Variants in NLRP2 observed in about 807,000 individuals in gnomAD.
The protein encoded by NLRP2 is NLR family pyrin domain containing 2, also known as NACHT, LRR and PYD domains-containing protein 2.
A neutral mutation model predicts 97.2 loss-of-function variants in NLRP2; 107 were observed. The observed-to-expected ratio is 1.10, with a 90% CI of 0.94 to 1.29. The LOEUF is 1.29. Ranked by LOEUF, NLRP2 falls within the 50% of genes most tolerant of loss-of-function variation. NLRP2 has a pLI of 0.00. For synonymous variants in NLRP2, 663 were observed against 551.5 expected (o/e 1.20, Z -2.83); for missense variants, 1,495 against 1,330.3 (o/e 1.12, Z -1.93).
chr19:54,985,677 C>CAAAAAAAAAAAAAAA (rs113852885), intron 7 of NLRP2, among the ~76,000 whole-genome samples: 8 of 67,952 alleles, frequency 1.2e-4, no homozygotes, highest in Non-Finnish European at 2.0e-4. Context: ...GACTGCGTCT[C>CAAAAAAAAAAAAAAA]AAAAAAAAAA....
chr19:54,967,268 A>AGGT (rs768651371), intron 1 of NLRP2, among the ~76,000 whole-genome samples: 34 of 152,214 alleles, frequency 2.2e-4, no homozygotes, highest in Non-Finnish European at 4.4e-4. Flanking sequence ...GGATCACCTG[A>AGGT]GGTCGGGAGT....
intron 4 of NLRP2, among the ~76,000 whole-genome samples, chr19:54,980,441 G>A (rs575882417): frequency 4.5e-4 from 69 of 152,040 alleles, no homozygotes; most frequent in South Asian, 1.2e-3. Context: ...TGATCCACCC[G>A]CCTTGGCCTC....
At chr19:54,988,728 C>G (rs112633763) in intron 8 of NLRP2, among the ~76,000 whole-genome samples, 2 of 152,270 alleles carry the variant, frequency 1.3e-5, no homozygotes, top group African/African-American at 4.8e-5. Context: ...TCATGTTGTT[C>G]CGGCTGGTCT....
At chr19:54,974,694 C>T (rs555543395) in intron 3 of NLRP2, 150 bp downstream of exon 3, 34 of 671,278 alleles carry the variant, frequency 5.1e-5, no homozygotes, top group South Asian at 3.2e-4. Context: ...CTCGCAGGTG[C>T]GTAGCAGTAA....
chr19:55,000,988 C>A lies in NLRP2; in HGVS notation c.*90C>A. 1 of 1,173,752 alleles carries A rather than the reference C, an allele frequency of 8.5e-7. No individual in the cohort carries two copies. The highest frequency in any genetic ancestry group is 1.3e-6 in the Non-Finnish European group (1 of 786,834). The allele number at this position is 1,173,752 out of a possible 1,614,324, so 72.7% of individuals were successfully genotyped here. ...GACTCCTCTCCTCCCCGGCCCCTACCCCTCAGGGATAATGAGTTCATTGCT... is the reference window on the plus strand; with the variant it reads ...GACTCCTCTCCTCCCCGGCCCCTACACCTCAGGGATAATGAGTTCATTGCT... On this transcript the variant is annotated 3_prime_UTR_variant, in exon 13 of 13. Coordinates refer to ENST00000448584, the MANE Select transcript of NLRP2 (RefSeq NM_017852.5).
In NLRP2 at chr19:54,982,174, G is replaced by T; in HGVS notation, c.476G>T (p.Arg159Met). 1 of 1,614,110 alleles carries T rather than the reference G, an allele frequency of 6.2e-7. No individual in the cohort carries two copies. Among genetic ancestry groups the T allele is most frequent in the Non-Finnish European group, 8.5e-7 (1 of 1,180,046 alleles). ...ACCAATGATAAAGACAAAGACAATA[G>T]GTGCAGGTATATATTGAAGACGAAG... ...FKGKKPDKDN[R>M]CRYILKTKFR... The change falls in exon 6 of 13, where the codon AGG becomes ATG. Residue 159 changes from arginine to methionine, a missense_variant. Coordinates refer to ENST00000448584, the MANE Select transcript of NLRP2 (RefSeq NM_017852.5).
Position 54,985,087 on chromosome 19 carries a change from C to G in NLRP2, c.2071C>G (p.Leu691Val), listed in dbSNP as rs1327689934. 6.2e-7 allele frequency: 1 copy of G among 1,613,968 alleles called. No individual in the cohort carries two copies. Among genetic ancestry groups the G allele is most frequent in the African/African-American group, 1.3e-5 (1 of 74,908 alleles). ...GCACATGCTTCCTTTCTGGACGGAC[C>G]TTTGTTCCATATTTGGATCAAATAA... The part of the protein sequence containing the change: ...DQHMLPFWTD[L>V]CSIFGSNKDL... Residue 691 changes from leucine (L) to valine (V), a missense_variant, in exon 7 of 13, where the codon CTT becomes GTT. Transcript: ENST00000448584.
chr19:54,986,113 A>T (rs2072057074), intron 7 of NLRP2, 38 bp from the exon 8 acceptor site: 1 of 1,421,812 alleles, frequency 7.0e-7, no homozygotes, highest in Non-Finnish European at 1.0e-6. Context: ...ATACAGGTGT[A>T]CACACTAAAG....
At chr19:54,996,379 A>G (rs1187175443) in intron 11 of NLRP2, among the ~76,000 whole-genome samples, 1 of 152,060 alleles carries the variant, frequency 6.6e-6, no homozygotes, top group Non-Finnish European at 1.5e-5. Flanking sequence ...GCATGGTGGC[A>G]CATAGCTATA....
In NLRP2 at chr19:54,997,306, T is replaced by C. The variant is rs746818264; in HGVS notation, c.2880-11T>C. ...GGCTGCATTAACGTGTTGATTTCTG[T>C]GTTTCCCCAGGTTGTGGGGATGTTC... On this transcript the variant is annotated splice_polypyrimidine_tract_variant and intron_variant, in intron 11 of 12. Transcript: ENST00000448584. The C allele has an allele frequency of 6.2e-7, 1 of 1,613,060 alleles. No individual in the cohort carries two copies. Among genetic ancestry groups the C allele is most frequent in the Admixed American group, 1.7e-5 (1 of 60,018 alleles).
chr19:54,979,314 C>T lies in NLRP2; in HGVS notation c.397+1491C>T, dbSNP rs182951672. Among the ~76,000 whole-genome samples, 684 of 152,000 alleles carry T rather than the reference C, an allele frequency of 4.5e-3. 3 individuals carry two copies. The highest frequency in any genetic ancestry group is 0.016 in the African/African-American group (654 of 41,482). Reference sequence around the variant, plus strand: ...ATCAGTTTCAGATCAGCCTTGCTTACTCCACATTCCCTCTTATCTTCCTGG... The same window carrying T: ...ATCAGTTTCAGATCAGCCTTGCTTATTCCACATTCCCTCTTATCTTCCTGG... On this transcript the variant is annotated intron_variant, in intron 4 of 12. Coordinates refer to ENST00000448584, the MANE Select transcript of NLRP2 (RefSeq NM_017852.5).
intron 4 of NLRP2, 109 bp from the exon 5 acceptor site, chr19:54,981,508 T>TTCCCCCCCCCCCCCCCC: frequency 4.6e-6 from 2 of 438,150 alleles, no homozygotes; most frequent in South Asian, 1.8e-5. Context: ...TCTGATCCCG[T>TTCCCCCCCCCCCCCCCC]GCCCCCCCTC....
chr19:54,984,329 G>GGTTTTTTTTTTTTTTTTTTTTT (rs1329961462), intron 6 of NLRP2, among the ~76,000 whole-genome samples: 12 of 79,676 alleles, frequency 1.5e-4, no homozygotes, highest in Non-Finnish European at 2.3e-4. Context: ...TTTTTTTTGT[G>GGTTTTTTTTTTTTTTTTTTTTT]TTTTTTTTTT....
chr19:54,990,600 C>T lies in NLRP2; in HGVS notation c.2636C>T (p.Pro879Leu). ...ELTHLCLAKNPIGNTGVKFLC... is the reference protein window; with the variant it reads ...ELTHLCLAKNLIGNTGVKFLC... ...ACACACCTGTGCTTGGCCAAGAACC[C>T]CATTGGGAATACAGGGGTGAAGTTT... Residue 879 changes from proline to leucine, a missense_variant, in exon 10 of 13, where the codon CCC (proline) becomes CTC (leucine). Coordinates refer to ENST00000448584, the MANE Select transcript of NLRP2 (RefSeq NM_017852.5). 1 of 1,614,096 alleles carries T rather than the reference C, an allele frequency of 6.2e-7. No homozygotes were observed. The highest frequency in any genetic ancestry group is 8.5e-7 in the Non-Finnish European group (1 of 1,180,026).
intron 4 of NLRP2, among the ~76,000 whole-genome samples, chr19:54,979,741 C>A (rs117444168): frequency 0.024 from 3,677 of 152,216 alleles, 64 homozygotes; most frequent in Non-Finnish European, 0.037. Context: ...TTGCCCTGTT[C>A]ATCTCTCTAG....
At chr19:54,970,770 C>CTTTTTTTTTTTTTTTTTTTTTTTTTT (rs34406686) in intron 2 of NLRP2, among the ~76,000 whole-genome samples, 1 of 108,474 alleles carries the variant, frequency 9.2e-6, no homozygotes. Context: ...CTACCTACTT[C>CTTTTTTTTTTTTTTTTTTTTTTTTTT]TTTTTTTTTT....
intron 2 of NLRP2, among the ~76,000 whole-genome samples, chr19:54,973,008 G>A (rs2070964127): frequency 6.6e-6 from 1 of 151,946 alleles, no homozygotes; most frequent in Non-Finnish European, 1.5e-5. Flanking sequence ...GGCCAATGTG[G>A]TGAAACCCTG....
intron 5 of NLRP2, among the ~76,000 whole-genome samples, chr19:54,981,893 C>T (rs997521732): frequency 2.0e-5 from 3 of 152,138 alleles, no homozygotes; most frequent in Admixed American, 6.6e-5. Context: ...ATTCTCCTGC[C>T]TCAGCCTCCC....
At chr19:54,983,835 C>G in intron 6 of NLRP2, 107 bp downstream of exon 6, 2 of 1,457,800 alleles carry the variant, frequency 1.4e-6, no homozygotes, top group African/African-American at 2.8e-5. Context: ...GTCAGGAATT[C>G]CCTCTTGTTG....
Sources: gnomAD v4.1 joint callset for allele counts (sites outside exome capture counted in the v4.1 genomes callset) on GRCh38, gnomAD v4.1.1 for gene constraint, MANE v1.5 for transcripts, NCBI Gene and HGNC (gene_info 2026-07-23, HGNC 2026-07-21) for gene names.